TMC1: variants seen among roughly 807,000 people sequenced by gnomAD.
The protein encoded by TMC1 is transmembrane channel like 1.
A neutral mutation model predicts 105.8 loss-of-function variants in TMC1; 84 were observed. That is an observed-to-expected ratio of 0.79 (90% CI 0.67 to 0.95). The LOEUF is 0.95. Among genes scored for constraint, TMC1 ranks in the 40% least tolerant of loss-of-function variants. The pLI, the probability that TMC1 is intolerant of heterozygous loss-of-function variation, is 0.00. For missense variants in TMC1, 817 were observed against 914.1 expected, an observed-to-expected ratio of 0.89 and a Z score of 1.37; for synonymous variants, 315 against 311.5, an observed-to-expected ratio of 1.01 and a Z score of -0.12.
intron 2 of TMC1, among the ~76,000 whole-genome samples, chr9:72,579,683 A>T (rs1044090208): frequency 2.0e-5 from 3 of 152,148 alleles, no homozygotes; most frequent in Non-Finnish European, 4.4e-5. Flanking sequence ...ATTTTATTCA[A>T]TCTTCACAAC....
chr9:72,718,976 G>C (rs527917004), intron 8 of TMC1, among the ~76,000 whole-genome samples: 2 of 152,256 alleles, frequency 1.3e-5, no homozygotes, highest in South Asian at 4.1e-4. Context: ...CAGGTTGTCA[G>C]GAAAGTGGAG....
chr9:72,725,077 A>G (rs1827090974), intron 8 of TMC1, among the ~76,000 whole-genome samples: 1 of 151,962 alleles, frequency 6.6e-6, no homozygotes, highest in East Asian at 1.9e-4. Flanking sequence ...TTGTGGAGAT[A>G]ACCTTCTGTT....
intron 1 of TMC1, among the ~76,000 whole-genome samples, chr9:72,544,107 C>T (rs1183100996): frequency 6.6e-6 from 1 of 151,966 alleles, no homozygotes; most frequent in African/African-American, 2.4e-5. Flanking sequence ...TGTGCCACCA[C>T]ACCTCAATAA....
intron 3 of TMC1, among the ~76,000 whole-genome samples, chr9:72,621,974 A>ACCTGGAT (rs1825258563): frequency 1.3e-5 from 2 of 152,202 alleles, no homozygotes; most frequent in African/African-American, 4.8e-5. Context: ...AAGGTGGCAG[A>ACCTGGAT]TATCAGTTTA....
intron 1 of TMC1, among the ~76,000 whole-genome samples, chr9:72,563,101 G>T (rs143065318): frequency 1.2e-3 from 176 of 152,324 alleles, no homozygotes; most frequent in African/African-American, 4.1e-3. Flanking sequence ...ATGAGCAAAG[G>T]TGTGGAGGTA....
chr9:72,668,913 C>T (rs781563890), intron 5 of TMC1, among the ~76,000 whole-genome samples: 4 of 152,208 alleles, frequency 2.6e-5, no homozygotes, highest in African/African-American at 4.8e-5. Flanking sequence ...GCAGTAACTT[C>T]AGACCTTCTG....
chr9:72,754,090 A>T (rs1663763), intron 11 of TMC1, among the ~76,000 whole-genome samples: 57,045 of 151,906 alleles, frequency 0.38, 11,634 homozygotes, highest in African/African-American at 0.54. Context: ...AGAAGAAGCA[A>T]CATCTGCTTG....
At chr9:72,774,452 T>G (rs959959901) in intron 13 of TMC1, among the ~76,000 whole-genome samples, 128 of 152,206 alleles carry the variant, frequency 8.4e-4, no homozygotes, top group Non-Finnish European at 1.0e-3. Flanking sequence ...GTGTATTTTA[T>G]ACCAGTCGCA....
chr9:72,607,358 G>A (rs977068422), intron 2 of TMC1, among the ~76,000 whole-genome samples: 8 of 151,862 alleles, frequency 5.3e-5, no homozygotes, highest in African/African-American at 9.7e-5. Context: ...GGTGGCTCAC[G>A]CCTGTAATCC....
chr9:72,550,468 C>T (rs957391742), intron 1 of TMC1, among the ~76,000 whole-genome samples: 7 of 151,038 alleles, frequency 4.6e-5, no homozygotes, highest in Admixed American at 4.0e-4. Flanking sequence ...ACCAGCCTGG[C>T]CAACATGGTA....
At chr9:72,524,420 AAT>A (rs1310308082) in intron 1 of TMC1, among the ~76,000 whole-genome samples, 3 of 152,214 alleles carry the variant, frequency 2.0e-5, no homozygotes, top group African/African-American at 7.2e-5. Flanking sequence ...GTGTTTGACC[AAT>A]GTTTATTAGA....
At chr9:72,769,059 T>C (rs1211591153) in intron 12 of TMC1, among the ~76,000 whole-genome samples, 1 of 152,204 alleles carries the variant, frequency 6.6e-6, no homozygotes, top group East Asian at 1.9e-4. Flanking sequence ...TCTTGCTGGA[T>C]AAAGAAAGCA....
intron 11 of TMC1, among the ~76,000 whole-genome samples, chr9:72,752,400 C>T (rs1478889279): frequency 6.6e-6 from 1 of 151,632 alleles, no homozygotes; most frequent in Admixed American, 6.6e-5. Context: ...TGAAGAAACA[C>T]AAAATGAACA....
intron 23 of TMC1, 31 bp from the exon 24 acceptor site, chr9:72,835,920 T>G (rs1373462058): frequency 8.6e-6 from 13 of 1,505,986 alleles, no homozygotes; most frequent in South Asian, 6.2e-5. Context: ...TCCTTGTTTT[T>G]TTTTTTTTTT....
Position 72,564,661 on chromosome 9 carries a change from A to G in TMC1, c.-427-13241A>G, listed in dbSNP as rs373803062. On this transcript the variant is annotated intron_variant, in intron 1 of 23. Coordinates refer to ENST00000297784, the MANE Select transcript of TMC1 (RefSeq NM_138691.3). ...CAAAACCACATGGACATTGAAAAGA[A>G]CTGGCATTTGCCTAGACATTTAGTG... 3.3e-5 allele frequency among the ~76,000 whole-genome samples: 5 copies of G among 152,352 alleles called. 1 individual carries two copies. Among genetic ancestry groups the G allele is most frequent in the Admixed American group, 6.5e-5 (1 of 15,304 alleles).
At chr9:72,592,178 G>A (rs941839735) in intron 2 of TMC1, among the ~76,000 whole-genome samples, 1 of 152,140 alleles carries the variant, frequency 6.6e-6, no homozygotes, top group Non-Finnish European at 1.5e-5. Context: ...ACTAAATGAC[G>A]AGTTTCACTA....
At chr9:72,710,415 A>T (rs1409021843) in intron 8 of TMC1, among the ~76,000 whole-genome samples, 2 of 152,150 alleles carry the variant, frequency 1.3e-5, no homozygotes, top group Non-Finnish European at 2.9e-5. Context: ...TTCTGTCTTG[A>T]TGACCTGTCT....
intron 14 of TMC1, 105 bp downstream of exon 14, chr9:72,788,588 G>C (rs1185708923): frequency 3.1e-5 from 38 of 1,235,464 alleles, no homozygotes; most frequent in Middle Eastern, 2.0e-4. Context: ...TTACATGAAA[G>C]ATTAACTCAT....
chr9:72,605,776 A>T (rs1315520950), intron 2 of TMC1, among the ~76,000 whole-genome samples: 1 of 151,922 alleles, frequency 6.6e-6, no homozygotes, highest in East Asian at 2.0e-4. Flanking sequence ...TGGTTTTGTC[A>T]TGTTGCCCAG....
Sources: allele counts gnomAD v4.1 joint callset (sites outside exome capture counted in the v4.1 genomes callset), GRCh38; gene constraint gnomAD v4.1.1; transcripts MANE v1.5; gene names NCBI Gene and HGNC (gene_info 2026-07-23, HGNC 2026-07-21).